The following WHRN variants were observed in gnomAD, a reference collection of about 807,000 sequenced individuals.
WHRN encodes the protein whirlin, also known as CASK-interacting protein CIP98.
Under a neutral mutation model 68.3 loss-of-function variants are expected in WHRN, and 41 were observed. That is an observed-to-expected ratio of 0.60 (90% CI 0.47 to 0.78). WHRN has a LOEUF of 0.78. WHRN is among the 30% of genes least tolerant of loss of function. WHRN has a pLI of 0.00. For missense variants in WHRN, 1,243 were observed against 1,244.7 expected (o/e 1.00, Z 0.02); for synonymous variants, 560 against 561.3 (o/e 1.00, Z 0.03).
At chr9:114,406,265 G>A (rs2132207720) in intron 9 of WHRN, 90 bp downstream of exon 9, 1 of 1,573,192 alleles carries the variant, frequency 6.4e-7, no homozygotes, top group East Asian at 2.2e-5. Flanking sequence ...ACAAGTAGCT[G>A]GTCCCCCCCT....
At chr9:114,494,608 T>C (rs1433600141) in intron 1 of WHRN, among the ~76,000 whole-genome samples, 2 of 152,156 alleles carry the variant, frequency 1.3e-5, no homozygotes, top group Non-Finnish European at 2.9e-5. Context: ...CTCTCTGCTG[T>C]TGGGGCAAAG....
chr9:114,488,942 C>A (rs1478217808), intron 1 of WHRN, among the ~76,000 whole-genome samples: 1 of 152,098 alleles, frequency 6.6e-6, no homozygotes, highest in East Asian at 1.9e-4. Flanking sequence ...CCAAACTCTC[C>A]CCATTGCTTC....
chr9:114,426,173 C>G, intron 4 of WHRN, 38 bp downstream of exon 4: 1 of 1,611,228 alleles, frequency 6.2e-7, no homozygotes. Flanking sequence ...AGAAATGGCC[C>G]TGGGGTCTGG....
intron 3 of WHRN, among the ~76,000 whole-genome samples, chr9:114,451,269 T>G (rs1484497553): frequency 6.6e-6 from 1 of 152,218 alleles, no homozygotes. Flanking sequence ...AGGTAAGGCA[T>G]GTGGCCTTAG....
chr9:114,441,952 C>T (rs1181786391), intron 3 of WHRN, among the ~76,000 whole-genome samples: 1 of 152,182 alleles, frequency 6.6e-6, no homozygotes, highest in African/African-American at 2.4e-5. Context: ...GTTACCCTCA[C>T]TAATAACGGG....
chr9:114,426,391 A>G lies in WHRN; in HGVS notation c.986T>C (p.Val329Ala). ...GATGTTGAGAAAGCTCCGCCCATTCACTTCTAGAATCTGGTCCCCAACCTG... is the reference window on the plus strand; with the variant it reads ...GATGTTGAGAAAGCTCCGCCCATTCGCTTCTAGAATCTGGTCCCCAACCTG... ...GLKVGDQILEVNGRSFLNILH... is the reference protein window; with the variant it reads ...GLKVGDQILEANGRSFLNILH... Residue 329 changes from valine (V) to alanine (A), a missense_variant, in exon 4 of 12, where the codon GTG becomes GCG. Val to Ala is a moderately conservative substitution (Grantham distance 64). Transcript: ENST00000362057. 1 of 1,613,894 alleles carries G rather than the reference A, an allele frequency of 6.2e-7. No individual in the cohort carries two copies. Among genetic ancestry groups the G allele is most frequent in the South Asian group, 1.1e-5 (1 of 91,060 alleles).
intron 3 of WHRN, among the ~76,000 whole-genome samples, chr9:114,458,287 G>A (rs191883808): frequency 6.6e-6 from 1 of 152,204 alleles, no homozygotes; most frequent in Admixed American, 6.5e-5. Context: ...TTAGATAGTT[G>A]CTTCCCTTCT....
At chr9:114,438,904 G>A (rs566796388) in intron 3 of WHRN, among the ~76,000 whole-genome samples, 4 of 152,272 alleles carry the variant, frequency 2.6e-5, no homozygotes, top group Admixed American at 2.6e-4. Context: ...GTTGGATAAC[G>A]TATGGTACAG....
At chr9:114,491,273 T>C (rs776167998) in intron 1 of WHRN, among the ~76,000 whole-genome samples, 1 of 152,208 alleles carries the variant, frequency 6.6e-6, no homozygotes, top group Non-Finnish European at 1.5e-5. Flanking sequence ...GGCTTCCAAT[T>C]TAATTCAAGC....
At chr9:114,492,895 T>C (rs1843110368) in intron 1 of WHRN, among the ~76,000 whole-genome samples, 1 of 152,152 alleles carries the variant, frequency 6.6e-6, no homozygotes, top group South Asian at 2.1e-4. Flanking sequence ...CGCAAGCCTG[T>C]AGTCCCAGCT....
In WHRN at chr9:114,423,511, A is replaced by G. The variant is rs761922609; in HGVS notation, c.1429T>C (p.Ser477Pro). 6.2e-7 allele frequency: 1 copy of G among 1,608,452 alleles called. No individual in the cohort carries two copies. Among genetic ancestry groups the G allele is most frequent in the Non-Finnish European group, 8.5e-7 (1 of 1,175,562 alleles). The change falls in exon 7 of 12, where the codon TCT becomes CCT. Residue 477 changes from serine (S) to proline (P), a missense_variant. Ser to Pro is a moderately conservative substitution (Grantham distance 74). Coordinates refer to ENST00000362057, the MANE Select transcript of WHRN (RefSeq NM_015404.4). The part of the protein sequence containing the change: ...LNTHAKFSLL[S>P]EVRGTISPQD... ...GGGGAAATGGTGCCTCTCACCTCAG[A>G]GAGGAGTGAGAACTGGAGGCGGGGA... is the stretch of plus-strand genomic sequence containing the variant.
chr9:114,505,181 G>C lies in WHRN; in HGVS notation c.-380C>G, dbSNP rs1844292299. 5.0e-6 allele frequency: 1 copy of C among 201,656 alleles called. No homozygotes were observed. The allele number at this position is 201,656 out of a possible 1,614,324, so 12.5% of individuals were successfully genotyped here. A position where few individuals can be genotyped will look rare whatever the true frequency, so the allele number is the denominator to read the frequency against. ...CGACGGGTGGCTGGAGTTTGGGGGCGCCGCAAAGCTGACCTGACTGCCCCG... is the reference window on the plus strand; with the variant it reads ...CGACGGGTGGCTGGAGTTTGGGGGCCCCGCAAAGCTGACCTGACTGCCCCG... On this transcript the variant is annotated 5_prime_UTR_variant, in exon 1 of 12. Coordinates refer to ENST00000362057, the MANE Select transcript of WHRN (RefSeq NM_015404.4).
intron 1 of WHRN, among the ~76,000 whole-genome samples, chr9:114,485,964 T>C (rs1842445143): frequency 1.3e-5 from 2 of 152,002 alleles, no homozygotes; most frequent in South Asian, 2.1e-4. Context: ...CGGTGAGCTA[T>C]GATCGAGCCA....
intron 3 of WHRN, among the ~76,000 whole-genome samples, chr9:114,460,220 G>A (rs1840132133): frequency 6.6e-6 from 1 of 152,168 alleles, no homozygotes; most frequent in Non-Finnish European, 1.5e-5. Context: ...TGCTAGGAAG[G>A]TGGCAGAGCA....
Position 114,499,412 on chromosome 9 carries a change from T to C in WHRN, c.618+4772A>G, listed in dbSNP as rs550887792. ...AAGTCAGTTTTGAAAGATTTGTATT[T>C]CAACCTCCAGATACCTCCAGCCATT... is the stretch of plus-strand genomic sequence containing the variant. On this transcript the variant is annotated intron_variant, in intron 1 of 11. Transcript: ENST00000362057. Among the ~76,000 whole-genome samples, 3 of 152,366 alleles carry C rather than the reference T, an allele frequency of 2.0e-5. No individual in the cohort carries two copies. The East Asian group carries it at 5.8e-4, about 29-fold the overall frequency.
chr9:114,442,324 A>C (rs1278151401), intron 3 of WHRN, among the ~76,000 whole-genome samples: 1 of 152,186 alleles, frequency 6.6e-6, no homozygotes, highest in African/African-American at 2.4e-5. Flanking sequence ...AAATGTCCTG[A>C]TTGTGACCAT....
intron 1 of WHRN, among the ~76,000 whole-genome samples, chr9:114,485,189 C>T (rs1842383570): frequency 6.6e-6 from 1 of 152,198 alleles, no homozygotes; most frequent in African/African-American, 2.4e-5. Flanking sequence ...AGAGACTCAA[C>T]AACAGGAAGG....
At chr9:114,482,130 C>G (rs889145123) in intron 1 of WHRN, among the ~76,000 whole-genome samples, 1 of 151,894 alleles carries the variant, frequency 6.6e-6, no homozygotes, top group African/African-American at 2.4e-5. Context: ...CTTCACGACA[C>G]ATGCCTGGTG....
intron 3 of WHRN, among the ~76,000 whole-genome samples, chr9:114,428,592 G>A (rs1440160115): frequency 2.6e-5 from 4 of 152,174 alleles, no homozygotes; most frequent in Non-Finnish European, 4.4e-5. Context: ...GCACATCCAG[G>A]TCAGGCCAGC....
Sources: gnomAD v4.1 joint callset for allele counts (sites outside exome capture counted in the v4.1 genomes callset) on GRCh38, gnomAD v4.1.1 for gene constraint, MANE v1.5 for transcripts, NCBI Gene and HGNC (gene_info 2026-07-23, HGNC 2026-07-21) for gene names.